Variants in IGDCC3 observed in about 807,000 individuals in gnomAD.
IGDCC3 encodes putative neuronal cell adhesion molecule.
A neutral mutation model predicts 72.0 loss-of-function variants in IGDCC3; 47 were observed. That is an observed-to-expected ratio of 0.65 (90% confidence interval 0.52 to 0.83). IGDCC3 has a LOEUF of 0.83. Among genes scored for constraint, IGDCC3 ranks in the 40% least tolerant of loss-of-function variants. The pLI is 0.00. For synonymous variants in IGDCC3, 477 were observed against 472.8 expected (o/e 1.01, Z -0.11); for missense variants, 1,038 against 1,091.3 (o/e 0.95, Z 0.69).
At chr15:65,369,980 C>G (rs2091313169) in intron 2 of IGDCC3, among the ~76,000 whole-genome samples, 1 of 152,098 alleles carries the variant, frequency 6.6e-6, no homozygotes, top group Non-Finnish European at 1.5e-5. Context: ...TTCCCTCTGA[C>G]AAGTTAAAAT....
At position 65,329,805 on chromosome 15, in the gene IGDCC3, C is replaced by T. The variant is rs2141030271; in HGVS notation, c.1918G>A (p.Gly640Ser). 6.2e-7 allele frequency: 1 copy of T among 1,614,114 alleles called. No individual in the cohort carries two copies. Among genetic ancestry groups the T allele is most frequent in the Non-Finnish European group, 8.5e-7 (1 of 1,180,024 alleles). Reference sequence around the variant, plus strand: ...CCGATGTGGATGCCGATGACGATGCCTGTGGTGGACGTCTGGTTGGCGGCC... The same window carrying T: ...CCGATGTGGATGCCGATGACGATGCTTGTGGTGGACGTCTGGTTGGCGGCC... ...EEAANQTSTTGIVIGIHIGVT... is the reference protein window; with the variant it reads ...EEAANQTSTTSIVIGIHIGVT... The change falls in exon 12 of 14, where the codon GGC becomes AGC. Residue 640 changes from glycine to serine, a missense_variant. Gly to Ser is a moderately conservative substitution (Grantham distance 56). Coordinates refer to ENST00000327987, the MANE Select transcript of IGDCC3 (RefSeq NM_004884.4). This position sits in a 1 kb window ranked among gnomAD's most constrained non-coding sequence, Gnocchi z 4.1.
At position 65,328,996 on chromosome 15, in the gene IGDCC3, TG is replaced by T; in HGVS notation, c.2357del (p.Pro786GlnfsTer122). 6.2e-7 allele frequency: 1 copy of T among 1,610,988 alleles called. No individual in the cohort carries two copies. Among genetic ancestry groups the T allele is most frequent in the Non-Finnish European group, 8.5e-7 (1 of 1,178,950 alleles). Reference protein sequence around the residue: ...CAGLAAAPPPPDGGPGLLSEG... With the variant: ...CAGLAAAPPPXDGGPGLLSEG... ...CACTGAGGAGGCCAGGGCCTCCATC[TG>T]GGGGTGGTGGGGCAGCCGCCAGGCC... is the stretch of plus-strand genomic sequence containing the variant. On this transcript the variant is annotated frameshift_variant, in exon 14 of 14. Transcript: ENST00000327987. LOFTEE classifies it low-confidence loss of function (END_TRUNC).
intron 2 of IGDCC3, among the ~76,000 whole-genome samples, chr15:65,348,253 T>C (rs943941027): frequency 2.0e-5 from 3 of 152,218 alleles, no homozygotes; most frequent in Non-Finnish European, 4.4e-5. Context: ...GCCATTCTTT[T>C]ATTCCTTTAC....
In IGDCC3 at chr15:65,327,632, A is replaced by C. The variant is rs1027766952; in HGVS notation, c.*1277T>G. On this transcript the variant is annotated 3_prime_UTR_variant, in exon 14 of 14. Coordinates refer to ENST00000327987, the MANE Select transcript of IGDCC3 (RefSeq NM_004884.4). ...CTTTAACTAAGTAGTTCAAAGAACA[A>C]CACAACAGAAAAGAGTAACAAAAAG... is the stretch of plus-strand genomic sequence containing the variant. 2.0e-5 allele frequency: 3 copies of C among 152,756 alleles called. No homozygotes were observed. Among genetic ancestry groups the C allele is most frequent in the Admixed American group, 6.5e-5 (1 of 15,304 alleles). The allele number at this position is 152,756 out of a possible 1,614,324, so 9.5% of individuals were successfully genotyped here. A position where few individuals can be genotyped will look rare whatever the true frequency, so the allele number is the denominator to read the frequency against.
chr15:65,331,441 C>G lies in IGDCC3; in HGVS notation c.1367G>C (p.Gly456Ala), dbSNP rs200088031. 1 of 1,611,036 alleles carries G rather than the reference C, an allele frequency of 6.2e-7. No homozygotes were observed. Among genetic ancestry groups the G allele is most frequent in the Non-Finnish European group, 8.5e-7 (1 of 1,178,302 alleles). Reference sequence around the variant, plus strand: ...AGCCTTCCTGATGTGCAGGACGTAGCCGATGATCTCCTTGGTGTTGGCCAG... The same window carrying G: ...AGCCTTCCTGATGTGCAGGACGTAGGCGATGATCTCCTTGGTGTTGGCCAG... Reference protein sequence around the residue: ...EPLANTKEIIGYVLHIRKAAD... With the variant: ...EPLANTKEIIAYVLHIRKAAD... The change falls in exon 8 of 14, where the codon GGC becomes GCC. Residue 456 changes from glycine (G) to alanine (A), a missense_variant. Coordinates refer to ENST00000327987, the MANE Select transcript of IGDCC3 (RefSeq NM_004884.4).
chr15:65,372,453 C>T (rs917817871), intron 2 of IGDCC3, among the ~76,000 whole-genome samples: 3 of 152,312 alleles, frequency 2.0e-5, no homozygotes, highest in Admixed American at 6.5e-5. Context: ...GGAATCAGCC[C>T]GCGGTGTAGC....
At position 65,331,655 on chromosome 15, in the gene IGDCC3, G is replaced by A. The variant is rs770779166; in HGVS notation, c.1153C>T (p.Leu385=). The A allele has an allele frequency of 6.3e-7, 1 of 1,599,122 alleles. No individual in the cohort carries two copies. The highest frequency in any genetic ancestry group is 1.1e-5 in the South Asian group (1 of 89,512). The part of the protein sequence containing the change: ...HVRLKNNNST[L]TISGIGPEDE... ...TCAGGACCGATTCCAGAAATGGTCAGTGTGCTGCAGGGGAGAGAGACAGCC... is the reference window on the plus strand; with the variant it reads ...TCAGGACCGATTCCAGAAATGGTCAATGTGCTGCAGGGGAGAGAGACAGCC... Residue 385 remains leucine (L), a synonymous_variant, in exon 8 of 14, where the codon CTG becomes TTG. Transcript: ENST00000327987.
At chr15:65,369,528 G>A (rs1291271960) in intron 2 of IGDCC3, among the ~76,000 whole-genome samples, 1 of 152,136 alleles carries the variant, frequency 6.6e-6, no homozygotes, top group Non-Finnish European at 1.5e-5. Flanking sequence ...CTGACATGAG[G>A]GTAGGCCTAG....
Position 65,377,829 on chromosome 15 carries a change from G to A in IGDCC3, c.-41C>T, listed in dbSNP as rs2140177415. 8.6e-7 allele frequency: 1 copy of A among 1,156,642 alleles called. No individual in the cohort carries two copies. Among genetic ancestry groups the A allele is most frequent in the Non-Finnish European group, 1.1e-6 (1 of 940,160 alleles). The allele number at this position is 1,156,642 out of a possible 1,614,324, so 71.6% of individuals were successfully genotyped here. ...CTCGGCTCGGCGACGCGCGGCTCCC[G>A]GGCCTCTCGCGGCTCACAGCGTCCC... On this transcript the variant is annotated 5_prime_UTR_variant, in exon 1 of 14. Coordinates refer to ENST00000327987, the MANE Select transcript of IGDCC3 (RefSeq NM_004884.4). This position sits in a 1 kb window ranked among gnomAD's most constrained non-coding sequence, Gnocchi z 4.9.
rs766472764 is a variant in IGDCC3 at position 65,356,848 on chromosome 15, C to CTTTTTTTTTTTTTTTTTTTTTTTTTTT, written c.409+18248_409+18249insAAAAAAAAAAAAAAAAAAAAAAAAAAA. On this transcript the variant is annotated intron_variant, in intron 2 of 13. Transcript: ENST00000327987. Reference sequence around the variant, plus strand: ...GATGTGAGATTTGAGAATGGACCTGCTTTTTTTTTTTTTTTTTTTGAGATG... The same window carrying CTTTTTTTTTTTTTTTTTTTTTTTTTTT: ...GATGTGAGATTTGAGAATGGACCTGCTTTTTTTTTTTTTTTTTTTTTTTTTTTTTTTTTTTTTTTTTTTTTTGAGATG... Among the ~76,000 whole-genome samples, 51 of 70,888 alleles carry CTTTTTTTTTTTTTTTTTTTTTTTTTTT rather than the reference C, an allele frequency of 7.2e-4. 10 individuals carry two copies. The highest frequency in any genetic ancestry group is 1.1e-3 in the African/African-American group (16 of 15,036). 46.5% of individuals were successfully genotyped at this position (70,888 alleles called of 152,430 possible).
At chr15:65,350,572 C>A (rs2140155173) in intron 2 of IGDCC3, among the ~76,000 whole-genome samples, 1 of 152,140 alleles carries the variant, frequency 6.6e-6, no homozygotes, top group South Asian at 2.1e-4. Context: ...AGCAATTCTC[C>A]TGCCTCAGCC....
chr15:65,372,910 G>A (rs1173737822), intron 2 of IGDCC3, among the ~76,000 whole-genome samples: 1 of 152,170 alleles, frequency 6.6e-6, no homozygotes, highest in Non-Finnish European at 1.5e-5. Flanking sequence ...ATTCTCCCAT[G>A]GGACCACAGC....
In IGDCC3 at chr15:65,329,510, A is replaced by G. The variant is rs758964525; in HGVS notation, c.2085T>C (p.Asn695=). Residue 695 remains asparagine (N), a synonymous_variant, in exon 13 of 14, where the codon AAT becomes AAC. Coordinates refer to ENST00000327987, the MANE Select transcript of IGDCC3 (RefSeq NM_004884.4). The surrounding 1 kb of genome is among the most constrained non-coding windows in gnomAD (Gnocchi z 4.1). ...GGCCCCGCTGTCCCCGTCTCGCCCC[A>G]TTTAGGGCTAGAATGCCAGGGTCCC... The part of the protein sequence containing the change: ...SQRDPGILAL[N]GARRGQRGQL... 6.2e-7 allele frequency: 1 copy of G among 1,606,640 alleles called. No individual in the cohort carries two copies. The highest frequency in any genetic ancestry group is 8.5e-7 in the Non-Finnish European group (1 of 1,178,176).
At chr15:65,362,221 G>A (rs975679087) in intron 2 of IGDCC3, among the ~76,000 whole-genome samples, 16 of 152,168 alleles carry the variant, frequency 1.1e-4, no homozygotes, top group African/African-American at 3.9e-4. Context: ...TTTTAGGAAT[G>A]TTTTAATCTG....
intron 5 of IGDCC3, among the ~76,000 whole-genome samples, chr15:65,333,901 TTGGACCAGATGGTCCC>T (rs1418354192): frequency 6.6e-6 from 1 of 152,196 alleles, no homozygotes; most frequent in Non-Finnish European, 1.5e-5. Context: ...TTGGGAAATG[TTGGACCAGATGGTCCC>T]TGGAGTGCCT....
At chr15:65,355,851 C>T in intron 2 of IGDCC3, 3 of 383,302 alleles carry the variant, frequency 7.8e-6, no homozygotes, top group Non-Finnish European at 1.6e-5. Flanking sequence ...CACCATTTCC[C>T]GCCACCCCCT....
chr15:65,330,171 G>A (rs956942408), intron 11 of IGDCC3, 122 bp downstream of exon 11: 3 of 775,074 alleles, frequency 3.9e-6, no homozygotes, highest in Admixed American at 2.2e-5. Flanking sequence ...GCCAGCATGT[G>A]CATGGCCAAG....
chr15:65,334,767 T>A lies in IGDCC3; in HGVS notation c.784A>T (p.Thr262Ser). The change falls in exon 5 of 14, where the codon ACG (threonine) becomes TCG (serine). Residue 262 changes from threonine to serine, a missense_variant. Thr to Ser is a moderately conservative substitution (Grantham distance 58). Transcript: ENST00000327987. ...HQTAVLECVA[T>S]GNPRPIVSWS... ...GACACAATGGGGCGCGGGTTGCCCG[T>A]GGCGACACACTCAAGCACCGCGGTC... The A allele has an allele frequency of 6.2e-7, 1 of 1,603,832 alleles. No individual in the cohort carries two copies. The highest frequency in any genetic ancestry group is 8.5e-7 in the Non-Finnish European group (1 of 1,175,378).
rs114477224 is a variant in IGDCC3, at chr15:65,361,818, C to A, written c.409+13279G>T. ...CCACCGCCGTGCTGGGGTAGGGGCG[C>A]CGCTCCTCCTGCCTCGAGGACGAGG... On this transcript the variant is annotated intron_variant, in intron 2 of 13. Transcript: ENST00000327987. Among the ~76,000 whole-genome samples the A allele has an allele frequency of 7.4e-3, 1,133 of 152,350 alleles. 14 individuals carry two copies. Among genetic ancestry groups the A allele is most frequent in the African/African-American group, 0.026 (1,092 of 41,586 alleles).
Sources: allele counts gnomAD v4.1 joint callset (sites outside exome capture counted in the v4.1 genomes callset), GRCh38; gene constraint gnomAD v4.1.1; non-coding constraint Gnocchi (gnomAD v3.1); transcripts MANE v1.5; gene names NCBI Gene and HGNC (gene_info 2026-07-23, HGNC 2026-07-21).